MMP26: variants seen among roughly 807,000 people sequenced by gnomAD.
MMP26 encodes the protein matrix metallopeptidase 26.
Under a neutral mutation model 31.0 loss-of-function variants are expected in MMP26, and 33 were observed. That is an observed-to-expected ratio of 1.06 (90% CI 0.81 to 1.42). MMP26 has a LOEUF of 1.42. Among genes scored for constraint, MMP26 ranks in the 40% most tolerant of loss-of-function variants. MMP26 has a pLI of 0.00. For missense variants in MMP26, 347 were observed against 316.1 expected, an observed-to-expected ratio of 1.10 and a Z score of -0.74; for synonymous variants, 122 against 114.9, an observed-to-expected ratio of 1.06 and a Z score of -0.40.
At chr11:4,932,177 C>G (rs1851359227) in intron 2 of MMP26, among the ~76,000 whole-genome samples, 1 of 152,100 alleles carries the variant, frequency 6.6e-6, no homozygotes, top group Admixed American at 6.6e-5. Context: ...GAGGTCTACA[C>G]TGATTCATAA....
intron 2 of MMP26, among the ~76,000 whole-genome samples, chr11:4,903,049 A>ATT (rs1850826932): frequency 6.6e-6 from 1 of 152,050 alleles, no homozygotes; most frequent in Non-Finnish European, 1.5e-5. Flanking sequence ...TTATATATAT[A>ATT]TCCTTATTTT....
At chr11:4,839,583 C>T (rs1417181143) in intron 2 of MMP26, among the ~76,000 whole-genome samples, 1 of 151,820 alleles carries the variant, frequency 6.6e-6, no homozygotes, top group East Asian at 2.0e-4. Context: ...TAGACACATC[C>T]TGGGTCAGAA....
intron 2 of MMP26, among the ~76,000 whole-genome samples, chr11:4,823,376 C>T (rs1849537387): frequency 6.6e-6 from 1 of 152,156 alleles, no homozygotes; most frequent in Admixed American, 6.5e-5. Flanking sequence ...TATCCACAGA[C>T]TTCAGACAAC....
intron 2 of MMP26, among the ~76,000 whole-genome samples, chr11:4,936,726 A>G (rs1460815074): frequency 6.6e-6 from 1 of 152,174 alleles, no homozygotes; most frequent in African/African-American, 2.4e-5. Context: ...TGAGAAGATA[A>G]ATGTATTTTT....
chr11:4,856,765 A>G (rs1238839139), intron 2 of MMP26, among the ~76,000 whole-genome samples: 2 of 152,240 alleles, frequency 1.3e-5, no homozygotes, highest in East Asian at 3.9e-4. Context: ...TCAACAGAAT[A>G]CACATTCTTC....
At chr11:4,815,357 T>A (rs1340251617) in intron 2 of MMP26, among the ~76,000 whole-genome samples, 1 of 152,142 alleles carries the variant, frequency 6.6e-6, no homozygotes, top group Non-Finnish European at 1.5e-5. Context: ...TGTTTTAGGG[T>A]AAAGATCTTG....
rs912834315 is a variant in MMP26, at chr11:4,795,547, A to G, written c.-145+28206A>G. On this transcript the variant is annotated intron_variant, in intron 2 of 7. Transcript: ENST00000380390. ...CAAAATTGGGCTACATCCAGTTTCA[A>G]TAATGTTTATCAATCACAAGCCGAA... is the stretch of plus-strand genomic sequence containing the variant. 4.6e-5 allele frequency among the ~76,000 whole-genome samples: 7 copies of G among 152,340 alleles called. 1 individual carries two copies. The South Asian group carries it at 1.0e-3, about 23-fold the overall frequency.
chr11:4,943,924 T>G, intron 2 of MMP26: 1 of 424,200 alleles, frequency 2.4e-6, no homozygotes, highest in Non-Finnish European at 4.7e-6. Flanking sequence ...TACAATATCC[T>G]GAAAGAATAA....
chr11:4,756,595 A>C lies in MMP26; in HGVS notation c.-216-10675A>C, dbSNP rs547527014. On this transcript the variant is annotated intron_variant, in intron 1 of 7. Coordinates refer to ENST00000380390, the MANE Select transcript of MMP26 (RefSeq NM_021801.5). The stretch of plus-strand genomic sequence containing the variant: ...AAATATTAAAAAAGTCCTTTATAAA[A>C]CATGGCATTCATGACGCAGAAAGAA... 170 of 152,270 alleles carry C rather than the reference A, an allele frequency of 1.1e-3. 1 individual carries two copies. Among genetic ancestry groups the C allele is most frequent in the African/African-American group, 3.7e-3 (153 of 41,582 alleles). The allele number at this position is 152,270 out of a possible 1,614,324, so 9.4% of individuals were successfully genotyped here.
intron 1 of MMP26, chr11:4,711,978 T>C (rs983602535): frequency 2.6e-5 from 4 of 152,188 alleles, no homozygotes; most frequent in African/African-American, 9.7e-5. Flanking sequence ...GTGCTGTTAA[T>C]AAATCTTTGT....
chr11:4,870,669 A>G lies in MMP26; in HGVS notation c.-145+103328A>G, dbSNP rs567612868. Among the ~76,000 whole-genome samples the G allele has an allele frequency of 3.3e-5, 5 of 152,256 alleles. No individual in the cohort carries two copies. In the South Asian group the frequency reaches 1.0e-3, roughly 32 times the overall value. The stretch of plus-strand genomic sequence containing the variant: ...AAAGACCTGAATTTTAGTTTGGGTA[A>G]CTGGGTGAATTGTGGTGTGGTTAGT... On this transcript the variant is annotated intron_variant, in intron 2 of 7. Transcript: ENST00000380390.
At chr11:4,765,235 G>A (rs1202652832) in intron 1 of MMP26, among the ~76,000 whole-genome samples, 1 of 152,162 alleles carries the variant, frequency 6.6e-6, no homozygotes, top group African/African-American at 2.4e-5. Flanking sequence ...GAGAAACTGA[G>A]GAAGGTCCAT....
chr11:4,870,739 AT>A (rs1358370031), intron 2 of MMP26, among the ~76,000 whole-genome samples: 3 of 151,902 alleles, frequency 2.0e-5, no homozygotes, highest in African/African-American at 7.2e-5. Context: ...AAAACGTTTT[AT>A]TTTTGTTTTC....
At chr11:4,855,271 C>T (rs1460897832) in intron 2 of MMP26, among the ~76,000 whole-genome samples, 1 of 152,092 alleles carries the variant, frequency 6.6e-6, no homozygotes, top group African/African-American at 2.4e-5. Flanking sequence ...ACAAACTTCT[C>T]TGAGCTAAAG....
At chr11:4,745,710 T>C (rs1284916927) in intron 1 of MMP26, among the ~76,000 whole-genome samples, 1 of 152,184 alleles carries the variant, frequency 6.6e-6, no homozygotes, top group Non-Finnish European at 1.5e-5. Flanking sequence ...CATTGTAGTG[T>C]CATGCAGAAT....
At chr11:4,821,929 T>G in intron 2 of MMP26, 1 of 1,614,048 alleles carries the variant, frequency 6.2e-7, no homozygotes, top group Non-Finnish European at 8.5e-7. Flanking sequence ...GAGGTTGTCC[T>G]TCTGCAGTTC....
intron 2 of MMP26, among the ~76,000 whole-genome samples, chr11:4,939,041 A>G (rs980519486): frequency 7.9e-5 from 12 of 152,088 alleles, no homozygotes; most frequent in Non-Finnish European, 1.6e-4. Context: ...TTGAGTTGAT[A>G]TATGTTTCTT....
At chr11:4,882,812 A>G (rs774525875) in intron 2 of MMP26, 10 of 1,613,676 alleles carry the variant, frequency 6.2e-6, no homozygotes, top group African/African-American at 4.0e-5. Flanking sequence ...CCGCCAGGCT[A>G]TGTTCCAGCT....
chr11:4,937,185 G>A (rs1846132222), intron 2 of MMP26, among the ~76,000 whole-genome samples: 4 of 152,058 alleles, frequency 2.6e-5, no homozygotes, highest in Admixed American at 2.6e-4. Context: ...AAACTCACAG[G>A]GGCATAAGGG....
Sources: allele counts gnomAD v4.1 joint callset (sites outside exome capture counted in the v4.1 genomes callset), GRCh38; gene constraint gnomAD v4.1.1; transcripts MANE v1.5; gene names NCBI Gene and HGNC (gene_info 2026-07-23, HGNC 2026-07-21).